Variants in RBFOX3 observed in about 807,000 individuals in gnomAD.
RBFOX3 encodes RNA binding protein fox-1 homolog 3.
In RBFOX3, 17 loss-of-function variants were observed where a neutral mutation model predicts 48.7. The ratio of observed to expected loss-of-function variants is 0.35; its 90% CI spans 0.24 to 0.52. The LOEUF is 0.52. Ranked by LOEUF, RBFOX3 falls within the 20% of genes least tolerant of loss-of-function variation. The probability of loss-of-function intolerance (pLI) is 0.94; values close to 1 mark genes in which losing one functional copy is unlikely to be tolerated. For synonymous variants in RBFOX3, 212 were observed against 209.5 expected (o/e 1.01, Z -0.10); for missense variants, 382 against 497.5 (o/e 0.77, Z 2.21).
intron 2 of RBFOX3, among the ~76,000 whole-genome samples, chr17:79,417,680 A>T (rs1221832315): frequency 1.3e-5 from 2 of 152,232 alleles, no homozygotes; most frequent in African/African-American, 4.8e-5. Flanking sequence ...TCCTTAAACA[A>T]TCAGATGGAA....
intron 4 of RBFOX3, among the ~76,000 whole-genome samples, chr17:79,194,721 C>T (rs938992696): frequency 1.6e-4 from 23 of 148,228 alleles, no homozygotes; most frequent in African/African-American, 3.8e-4. Flanking sequence ...AAAACACGGC[C>T]GGTTCTAATT....
intron 3 of RBFOX3, among the ~76,000 whole-genome samples, chr17:79,282,378 T>C (rs1275704593): frequency 6.6e-6 from 1 of 152,236 alleles, no homozygotes; most frequent in African/African-American, 2.4e-5. Flanking sequence ...CGCTGATGCA[T>C]TTCCTTTTTA....
the RBFOX3 span, among the ~76,000 whole-genome samples, chr17:79,627,128 C>T: frequency 7.9e-5 from 12 of 152,338 alleles, no homozygotes; most frequent in South Asian, 6.2e-4. Flanking sequence ...CTGGGGACTG[C>T]AGGAGCCCTG....
In RBFOX3 at chr17:79,181,089, G is replaced by C. The variant is rs183790235; in HGVS notation, c.-34+54677C>G. Among the ~76,000 whole-genome samples the C allele has an allele frequency of 7.2e-4, 109 of 152,214 alleles. 1 individual carries two copies. The highest frequency in any genetic ancestry group is 6.8e-3 in the Middle Eastern group (2 of 294). On this transcript the variant is annotated intron_variant, in intron 4 of 14. Coordinates refer to ENST00000693108, the MANE Select transcript of RBFOX3 (RefSeq NM_001350451.2). Reference sequence around the variant, plus strand: ...GCCAAATGTGTGGCTGCCATTTTTCGGAGGCTTGCCTCTACTTCATCTTAA... The same window carrying C: ...GCCAAATGTGTGGCTGCCATTTTTCCGAGGCTTGCCTCTACTTCATCTTAA...
chr17:79,369,794 C>T (rs939090885), intron 2 of RBFOX3, among the ~76,000 whole-genome samples: 8 of 152,184 alleles, frequency 5.3e-5, no homozygotes, highest in African/African-American at 9.7e-5. Flanking sequence ...ATCATCTGCC[C>T]GCCCTGATGG....
At chr17:79,633,594 G>A in the RBFOX3 span, among the ~76,000 whole-genome samples, 5 of 151,344 alleles carry the variant, frequency 3.3e-5, no homozygotes, top group South Asian at 2.1e-4. Flanking sequence ...AGACTCCAGC[G>A]GCTGTTTTTT....
intron 4 of RBFOX3, among the ~76,000 whole-genome samples, chr17:79,218,207 TGG>T (rs1431784626): frequency 6.7e-6 from 1 of 148,220 alleles, no homozygotes; most frequent in African/African-American, 2.5e-5. Context: ...CTGGCGAGGC[TGG>T]GAGGGGGTCC....
intron 4 of RBFOX3, among the ~76,000 whole-genome samples, chr17:79,192,663 C>T (rs1290717551): frequency 2.6e-5 from 4 of 152,130 alleles, no homozygotes; most frequent in Admixed American, 6.5e-5. Context: ...GGACCGGGCA[C>T]GAGAGTGAGA....
chr17:79,502,306 C>A (rs912568631), intron 1 of RBFOX3, among the ~76,000 whole-genome samples: 2 of 152,112 alleles, frequency 1.3e-5, no homozygotes, highest in African/African-American at 4.8e-5. Context: ...CCTAGAATAG[C>A]CAAATTCATA....
intron 1 of RBFOX3, among the ~76,000 whole-genome samples, chr17:79,529,420 G>A (rs1487462766): frequency 2.0e-5 from 3 of 152,180 alleles, no homozygotes; most frequent in Admixed American, 1.3e-4. Flanking sequence ...AATCCTCCAC[G>A]GAACCAGTTG....
At chr17:79,282,307 C>T (rs1355687525) in intron 3 of RBFOX3, among the ~76,000 whole-genome samples, 1 of 152,240 alleles carries the variant, frequency 6.6e-6, no homozygotes, top group Admixed American at 6.5e-5. Context: ...GAACCTCGCC[C>T]TGTTGGCTGA....
At chr17:79,369,646 C>T (rs534281258) in intron 2 of RBFOX3, among the ~76,000 whole-genome samples, 11 of 152,222 alleles carry the variant, frequency 7.2e-5, no homozygotes, top group Admixed American at 2.6e-4. Context: ...CAGTTCTGCC[C>T]GCAATGGCCT....
intron 3 of RBFOX3, among the ~76,000 whole-genome samples, chr17:79,306,335 G>A (rs907714500): frequency 6.6e-6 from 1 of 152,272 alleles, no homozygotes; most frequent in Non-Finnish European, 1.5e-5. Context: ...CGCCAGGCCA[G>A]GGCGGCTCAC....
chr17:79,507,240 C>A (rs1455003623), intron 1 of RBFOX3, among the ~76,000 whole-genome samples: 2 of 152,194 alleles, frequency 1.3e-5, no homozygotes, highest in Non-Finnish European at 2.9e-5. Flanking sequence ...TCAGACACAA[C>A]CGCCAGGGCC....
chr17:79,412,394 T>C (rs1394586402), intron 2 of RBFOX3, among the ~76,000 whole-genome samples: 2 of 151,714 alleles, frequency 1.3e-5, no homozygotes, highest in African/African-American at 2.4e-5. Context: ...GAAGGCATGG[T>C]GGTATGGGTG....
rs1347857307 is a variant in RBFOX3, at chr17:79,199,332, C to T, written c.-34+36434G>A. ...CCTCCTGGCTCTCATTCATCCTGCC[C>T]TTCTTCTTCCAGCAGGTGGGAGGGT... is the stretch of plus-strand genomic sequence containing the variant. On this transcript the variant is annotated intron_variant, in intron 4 of 14. Transcript: ENST00000693108. The surrounding 1 kb of genome is among the most constrained non-coding windows in gnomAD (Gnocchi z 5.1). Among the ~76,000 whole-genome samples, 4 of 152,224 alleles carry T rather than the reference C, an allele frequency of 2.6e-5. No individual in the cohort carries two copies. The highest frequency in any genetic ancestry group is 9.6e-5 in the African/African-American group (4 of 41,456).
intron 2 of RBFOX3, among the ~76,000 whole-genome samples, chr17:79,438,982 C>T (rs930453859): frequency 3.9e-5 from 6 of 152,246 alleles, no homozygotes; most frequent in Non-Finnish European, 1.5e-5. Flanking sequence ...CCTCCCGAAA[C>T]CATCAGCTTC....
chr17:79,413,571 G>A (rs1010152924), intron 2 of RBFOX3, among the ~76,000 whole-genome samples: 1 of 152,264 alleles, frequency 6.6e-6, no homozygotes, highest in Non-Finnish European at 1.5e-5. Flanking sequence ...CAGGGAGCAG[G>A]TTTCCACCTG....
At chr17:79,647,082 T>TGTGA in the RBFOX3 span, among the ~76,000 whole-genome samples, 1 of 151,908 alleles carries the variant, frequency 6.6e-6, no homozygotes, top group Non-Finnish European at 1.5e-5. Flanking sequence ...TGTGTGTGTG[T>TGTGA]GTGATCTCCT....
Sources: allele counts gnomAD v4.1 joint callset (sites outside exome capture counted in the v4.1 genomes callset), GRCh38; gene constraint gnomAD v4.1.1; non-coding constraint Gnocchi (gnomAD v3.1); transcripts MANE v1.5; gene names NCBI Gene and HGNC (gene_info 2026-07-23, HGNC 2026-07-21).